Variants in UVRAG observed in about 807,000 individuals in gnomAD.
The protein encoded by UVRAG is UV radiation resistance associated.
In UVRAG, 19 loss-of-function variants were observed where a neutral mutation model predicts 78.0. The ratio of observed to expected loss-of-function variants is 0.24; its 90% CI spans 0.17 to 0.36. The LOEUF (loss-of-function observed/expected upper bound fraction) is 0.36, where lower values mean the gene tolerates loss of function less well. UVRAG is among the 10% of genes least tolerant of loss of function. The probability of loss-of-function intolerance (pLI) is 1.00; values close to 1 mark genes in which losing one functional copy is unlikely to be tolerated. For synonymous variants in UVRAG, 323 were observed against 324.6 expected, an observed-to-expected ratio of 1.00 and a Z score of 0.05; for missense variants, 740 against 853.8, an observed-to-expected ratio of 0.87 and a Z score of 1.66.
chr11:75,892,103 G>C (rs1255933993), intron 5 of UVRAG, among the ~76,000 whole-genome samples: 1 of 152,134 alleles, frequency 6.6e-6, no homozygotes, highest in Admixed American at 6.5e-5. Context: ...AACAAAACAA[G>C]TGAAACCAAG....
chr11:75,999,053 T>G (rs547326289), intron 8 of UVRAG, among the ~76,000 whole-genome samples: 2 of 152,088 alleles, frequency 1.3e-5, no homozygotes, highest in East Asian at 3.9e-4. Context: ...GCCAACATGG[T>G]GAAACCCCAT....
intron 13 of UVRAG, among the ~76,000 whole-genome samples, chr11:76,086,971 T>A (rs1591221222): frequency 6.6e-6 from 1 of 152,238 alleles, no homozygotes; most frequent in East Asian, 1.9e-4. Context: ...TCATACCTTT[T>A]TATTGATGTA....
chr11:75,877,746 C>A (rs1465230031), intron 3 of UVRAG, among the ~76,000 whole-genome samples: 2 of 141,546 alleles, frequency 1.4e-5, no homozygotes, highest in African/African-American at 2.7e-5. Context: ...CTGACCCCCC[C>A]ACTTCCCTCC....
At chr11:76,135,617 G>A (rs947233514) in intron 14 of UVRAG, among the ~76,000 whole-genome samples, 9 of 152,196 alleles carry the variant, frequency 5.9e-5, no homozygotes, top group Admixed American at 2.6e-4. Flanking sequence ...TTGGGTTGTT[G>A]TTTTTTAATA....
intron 5 of UVRAG, among the ~76,000 whole-genome samples, chr11:75,904,799 A>G (rs918039049): frequency 1.3e-5 from 2 of 152,194 alleles, no homozygotes; most frequent in Admixed American, 6.5e-5. Flanking sequence ...TAACGTTGAC[A>G]TGTAAAATAC....
chr11:75,975,972 T>C (rs1403312175), intron 7 of UVRAG, among the ~76,000 whole-genome samples: 2 of 152,198 alleles, frequency 1.3e-5, no homozygotes, highest in Non-Finnish European at 2.9e-5. Flanking sequence ...GTTCCAGTTT[T>C]TGTCCATTCA....
chr11:76,128,001 C>A (rs961055716), intron 14 of UVRAG, among the ~76,000 whole-genome samples: 1 of 151,964 alleles, frequency 6.6e-6, no homozygotes, highest in Admixed American at 6.6e-5. Flanking sequence ...GATGGGCATA[C>A]TTAAATGAAT....
intron 6 of UVRAG, among the ~76,000 whole-genome samples, chr11:75,940,809 A>G (rs1186490155): frequency 6.6e-6 from 1 of 152,172 alleles, no homozygotes; most frequent in African/African-American, 2.4e-5. Context: ...GTTAATGGTT[A>G]ATAAGCCACT....
rs186749990 is a variant in UVRAG, at chr11:76,047,127, C to T, written c.1227-18583C>T. On this transcript the variant is annotated intron_variant, in intron 12 of 14. Coordinates refer to ENST00000356136, the MANE Select transcript of UVRAG (RefSeq NM_003369.4). ...GTAAACATATGATTGTAAAACAAAG[C>T]CTAATGTGATTACCTGCTCCCAAAT... Among the ~76,000 whole-genome samples the T allele has an allele frequency of 2.1e-3, 323 of 152,234 alleles. 1 individual carries two copies. Among genetic ancestry groups the T allele is most frequent in the Non-Finnish European group, 4.1e-3 (277 of 68,016 alleles).
At chr11:75,879,243 T>C (rs1946886830) in intron 3 of UVRAG, among the ~76,000 whole-genome samples, 1 of 152,244 alleles carries the variant, frequency 6.6e-6, no homozygotes, top group Non-Finnish European at 1.5e-5. Context: ...CTTTGTGTCC[T>C]GCCACTTTTG....
intron 12 of UVRAG, among the ~76,000 whole-genome samples, chr11:76,064,525 G>A (rs1160845477): frequency 6.6e-6 from 1 of 152,114 alleles, no homozygotes; most frequent in Admixed American, 6.6e-5. Flanking sequence ...ATGAAGCTCT[G>A]TCTTCTTGAT....
intron 6 of UVRAG, among the ~76,000 whole-genome samples, chr11:75,945,614 C>T (rs2135149643): frequency 6.6e-6 from 1 of 152,106 alleles, no homozygotes. Context: ...GTGGTCAGGC[C>T]TCCAAATGAC....
intron 8 of UVRAG, among the ~76,000 whole-genome samples, chr11:75,992,379 TGAA>T (rs796383248): frequency 3.9e-5 from 6 of 152,320 alleles, no homozygotes; most frequent in African/African-American, 1.2e-4. Context: ...AGTTTGTACT[TGAA>T]GTGCCATTTT....
intron 7 of UVRAG, among the ~76,000 whole-genome samples, chr11:75,981,705 A>G (rs1949398774): frequency 6.6e-6 from 1 of 151,904 alleles, no homozygotes; most frequent in African/African-American, 2.4e-5. Context: ...CTTTTGGTAT[A>G]GTTACACAGG....
chr11:75,951,011 A>C (rs974413635), intron 6 of UVRAG, among the ~76,000 whole-genome samples: 7 of 142,636 alleles, frequency 4.9e-5, no homozygotes, highest in Non-Finnish European at 9.0e-5. Flanking sequence ...CACATATCCC[A>C]AGTGTTTTTT....
At chr11:76,091,280 C>T (rs1239928323) in intron 13 of UVRAG, among the ~76,000 whole-genome samples, 1 of 151,942 alleles carries the variant, frequency 6.6e-6, no homozygotes, top group Non-Finnish European at 1.5e-5. Context: ...TTTTGCTTTG[C>T]CTTGCTTTTT....
At chr11:75,996,455 G>A (rs1315572357) in intron 8 of UVRAG, among the ~76,000 whole-genome samples, 2 of 152,120 alleles carry the variant, frequency 1.3e-5, no homozygotes, top group African/African-American at 2.4e-5. Context: ...ATATGTAACC[G>A]AAGTATATAG....
intron 12 of UVRAG, among the ~76,000 whole-genome samples, chr11:76,018,889 A>G (rs1209442675): frequency 6.6e-6 from 1 of 151,996 alleles, no homozygotes; most frequent in East Asian, 1.9e-4. Flanking sequence ...ATTTTTTCCT[A>G]GGTTTGGGAA....
chr11:76,085,933 A>T (rs1297660874), intron 13 of UVRAG, among the ~76,000 whole-genome samples: 1 of 152,116 alleles, frequency 6.6e-6, no homozygotes, highest in Non-Finnish European at 1.5e-5. Flanking sequence ...ATGCCTGCTG[A>T]CACCCAGTGC....
Sources: gnomAD v4.1 joint callset for allele counts (sites outside exome capture counted in the v4.1 genomes callset) on GRCh38, gnomAD v4.1.1 for gene constraint, MANE v1.5 for transcripts, NCBI Gene and HGNC (gene_info 2026-07-23, HGNC 2026-07-21) for gene names.